The following ALPL variants were observed in gnomAD, a reference collection of about 807,000 sequenced individuals.
ALPL encodes the protein alkaline phosphatase, biomineralization associated.
Under a neutral mutation model 51.3 loss-of-function variants are expected in ALPL, and 42 were observed. That is an observed-to-expected ratio of 0.82 (90% confidence interval 0.64 to 1.06). The LOEUF (loss-of-function observed/expected upper bound fraction) is 1.06. Ranked by LOEUF, ALPL falls within the 50% of genes least tolerant of loss-of-function variation. ALPL has a pLI of 0.00. For synonymous variants in ALPL, 279 were observed against 296.4 expected (o/e 0.94, Z 0.60); for missense variants, 589 against 709.4 (o/e 0.83, Z 1.93).
intron 6 of ALPL, among the ~76,000 whole-genome samples, chr1:21,565,786 A>G (rs1439112702): frequency 6.6e-6 from 1 of 151,856 alleles, no homozygotes. Context: ...TGTACATGAA[A>G]CAAAAATCCT....
intron 4 of ALPL, among the ~76,000 whole-genome samples, chr1:21,562,826 C>T (rs1481799885): frequency 3.9e-5 from 6 of 152,134 alleles, no homozygotes; most frequent in East Asian, 3.9e-4. Flanking sequence ...GAGAGGCCTC[C>T]GCTGACCCCA....
At chr1:21,517,452 G>A (rs1010141940) in intron 1 of ALPL, among the ~76,000 whole-genome samples, 1 of 152,200 alleles carries the variant, frequency 6.6e-6, no homozygotes, top group Non-Finnish European at 1.5e-5. Flanking sequence ...AGGGCACCTT[G>A]TGGTACACAT....
rs114614469 is a variant in ALPL, at chr1:21,513,019, G to A, written c.-105+3502G>A. Among the ~76,000 whole-genome samples, 270 of 152,230 alleles carry A rather than the reference G, an allele frequency of 1.8e-3. 1 individual carries two copies. The highest frequency in any genetic ancestry group is 6.4e-3 in the African/African-American group (265 of 41,548). ...AACCAGGAGTCAGGTTTCACAAAAA[G>A]TCGTAGTGTTCTTTCCTGGCTGGTG... On this transcript the variant is annotated intron_variant, in intron 1 of 11. Coordinates refer to ENST00000374840, the MANE Select transcript of ALPL (RefSeq NM_000478.6).
At chr1:21,528,008 TTTTTTTTG>T (rs1388164454) in intron 1 of ALPL, among the ~76,000 whole-genome samples, 97 of 109,512 alleles carry the variant, frequency 8.9e-4, no homozygotes, top group African/African-American at 3.7e-3. Context: ...CGTGTTTTTT[TTTTTTTTG>T]TTTTTTTGTT....
chr1:21,530,777 ATTT>A (rs71016918), intron 1 of ALPL, among the ~76,000 whole-genome samples: 9 of 111,858 alleles, frequency 8.0e-5, no homozygotes, highest in Non-Finnish European at 8.9e-5. Context: ...CAAGCTTTGA[ATTT>A]TTTTTTTTTT....
At position 21,560,981 on chromosome 1, in the gene ALPL, C is replaced by T. The variant is rs1644476492; in HGVS notation, c.182-116C>T. 1.6e-5 allele frequency: 17 copies of T among 1,054,888 alleles called. No homozygotes were observed. The South Asian group carries it at 2.3e-4, about 14-fold the overall frequency. 65.3% of individuals were successfully genotyped at this position (1,054,888 alleles called of 1,614,324 possible). ...TCACTGACATTTACAGAGCCATGCC[C>T]AGTGCCAACTGCCCGAGCCTGCCTT... On this transcript the variant is annotated intron_variant, in intron 3 of 11. Coordinates refer to ENST00000374840, the MANE Select transcript of ALPL (RefSeq NM_000478.6).
intron 1 of ALPL, among the ~76,000 whole-genome samples, chr1:21,551,719 G>GTTTTTTTTTTTTTTTT: frequency 1.6e-5 from 1 of 61,438 alleles, no homozygotes; most frequent in Non-Finnish European, 3.0e-5. Flanking sequence ...AGCTTGCGTG[G>GTTTTTTTTTTTTTTTT]TTTTTTTTTT....
chr1:21,538,141 G>A lies in ALPL; in HGVS notation c.-104-15837G>A, dbSNP rs1316333671. Among the ~76,000 whole-genome samples the A allele has an allele frequency of 2.0e-5, 3 of 152,208 alleles. No individual in the cohort carries two copies. In the East Asian group the frequency reaches 5.8e-4, roughly 29 times the overall value. ...TTCTCTCCTTGTTTATTGTCTCACT[G>A]AATTCTTGTTCCTCCAGTGACGTAG... On this transcript the variant is annotated intron_variant, in intron 1 of 11. Transcript: ENST00000374840.
intron 10 of ALPL, 112 bp downstream of exon 10, chr1:21,576,036 C>A: frequency 7.7e-7 from 1 of 1,301,890 alleles, no homozygotes; most frequent in Non-Finnish European, 1.1e-6. Flanking sequence ...GACTCAATGA[C>A]AACTGGGTGG....
chr1:21,541,822 C>G lies in ALPL; in HGVS notation c.-104-12156C>G, dbSNP rs140359689. Among the ~76,000 whole-genome samples the G allele has an allele frequency of 4.4e-3, 672 of 152,284 alleles. 3 individuals carry two copies. The highest frequency in any genetic ancestry group is 0.014 in the South Asian group (66 of 4,828). On this transcript the variant is annotated intron_variant, in intron 1 of 11. Transcript: ENST00000374840. ...GAGGCTGGGAGCGCTCAGGGGACAGCTGGGTTCTCATCAAAGCCCTAAAGA... is the reference window on the plus strand; with the variant it reads ...GAGGCTGGGAGCGCTCAGGGGACAGGTGGGTTCTCATCAAAGCCCTAAAGA...
At chr1:21,536,620 C>G (rs1286709645) in intron 1 of ALPL, among the ~76,000 whole-genome samples, 1 of 152,146 alleles carries the variant, frequency 6.6e-6, no homozygotes, top group African/African-American at 2.4e-5. Flanking sequence ...CCCACCACTT[C>G]ACACCCTCAT....
At position 21,578,108 on chromosome 1, in the gene ALPL, G is replaced by A. The variant is rs114552089; in HGVS notation, c.*460G>A. 0.021 allele frequency: 3,844 copies of A among 179,742 alleles called. 138 individuals are homozygous for A. Among genetic ancestry groups the A allele is most frequent in the African/African-American group, 0.085 (3,604 of 42,260 alleles). The allele number at this position is 179,742 out of a possible 1,614,324, so 11.1% of individuals were successfully genotyped here. On this transcript the variant is annotated 3_prime_UTR_variant, in exon 12 of 12. Coordinates refer to ENST00000374840, the MANE Select transcript of ALPL (RefSeq NM_000478.6). This position sits in a 1 kb window ranked among gnomAD's most constrained non-coding sequence, Gnocchi z 4.2. ...GCTCATGTCCCTGTCCCCAGGCCCA[G>A]CCCTCCTTCAGGGGAGTTGAGGTCT...
At chr1:21,515,276 C>G (rs780215992) in intron 1 of ALPL, among the ~76,000 whole-genome samples, 1 of 152,124 alleles carries the variant, frequency 6.6e-6, no homozygotes, top group Non-Finnish European at 1.5e-5. Flanking sequence ...TGGGGCCCTG[C>G]TATGTTGCTC....
intron 1 of ALPL, among the ~76,000 whole-genome samples, chr1:21,545,564 T>C (rs1031539281): frequency 6.6e-6 from 1 of 152,124 alleles, no homozygotes; most frequent in African/African-American, 2.4e-5. Flanking sequence ...GTGCTGGGAT[T>C]ACAGGAGTGA....
At chr1:21,546,604 C>T (rs1490894259) in intron 1 of ALPL, among the ~76,000 whole-genome samples, 1 of 152,226 alleles carries the variant, frequency 6.6e-6, no homozygotes, top group Non-Finnish European at 1.5e-5. Context: ...CCACCTCCAG[C>T]CTGTGTGTGC....
Position 21,575,772 on chromosome 1 carries a change from A to G in ALPL, c.1037A>G (p.Lys346Arg), listed in dbSNP as rs1198556752. The G allele has an allele frequency of 1.2e-6, 2 of 1,614,206 alleles. No individual in the cohort carries two copies. The highest frequency in any genetic ancestry group is 2.2e-5 in the South Asian group (2 of 91,090). Residue 346 changes from lysine (K) to arginine (R), a missense_variant, in exon 10 of 12, where the codon AAG becomes AGG. Physicochemically the swap from Lys to Arg is conservative, Grantham distance 26 (BLOSUM62 2). Transcript: ENST00000374840. ...CACGGGCACCATGAAGGAAAAGCCA[A>G]GCAGGCCCTGCATGAGGCGGTGGAG... Reference protein sequence around the residue: ...IDHGHHEGKAKQALHEAVEMD... With the variant: ...IDHGHHEGKARQALHEAVEMD...
At chr1:21,568,809 T>C (rs1037052674) in intron 7 of ALPL, among the ~76,000 whole-genome samples, 24 of 151,478 alleles carry the variant, frequency 1.6e-4, no homozygotes, top group African/African-American at 5.8e-4. Flanking sequence ...ATGGAATAGA[T>C]TGGGGAAGGG....
intron 1 of ALPL, among the ~76,000 whole-genome samples, chr1:21,523,285 C>A (rs1055858176): frequency 6.6e-6 from 1 of 152,060 alleles, no homozygotes; most frequent in Non-Finnish European, 1.5e-5. Flanking sequence ...GGCGACAGAG[C>A]GAGACTCCAT....
At chr1:21,541,603 G>A (rs1395953963) in intron 1 of ALPL, among the ~76,000 whole-genome samples, 1 of 152,240 alleles carries the variant, frequency 6.6e-6, no homozygotes, top group Non-Finnish European at 1.5e-5. Flanking sequence ...ACGGTGAGAG[G>A]GTGACAACCT....
Sources: allele counts gnomAD v4.1 joint callset (sites outside exome capture counted in the v4.1 genomes callset), GRCh38; gene constraint gnomAD v4.1.1; non-coding constraint Gnocchi (gnomAD v3.1); transcripts MANE v1.5; gene names NCBI Gene and HGNC (gene_info 2026-07-23, HGNC 2026-07-21).